The following ABCC1 variants were observed in gnomAD, a reference collection of about 807,000 sequenced individuals.
The protein encoded by ABCC1 is multidrug resistance-associated protein 1.
ABCC1 carries 83 observed loss-of-function variants against 172.9 expected under a neutral mutation model. The ratio of observed to expected loss-of-function variants is 0.48; its 90% CI spans 0.40 to 0.58. The LOEUF (loss-of-function observed/expected upper bound fraction) is 0.58. Among genes scored for constraint, ABCC1 ranks in the 20% least tolerant of loss-of-function variants. The probability of loss-of-function intolerance (pLI) is 0.00; values close to 1 mark genes in which losing one functional copy is unlikely to be tolerated. For missense variants in ABCC1, 1,817 were observed against 2,002.7 expected, an observed-to-expected ratio of 0.91 and a Z score of 1.77; for synonymous variants, 937 against 825.2, an observed-to-expected ratio of 1.14 and a Z score of -2.32.
At chr16:15,958,030 C>T (rs1041250929) in intron 1 of ABCC1, among the ~76,000 whole-genome samples, 1 of 152,234 alleles carries the variant, frequency 6.6e-6, no homozygotes. Flanking sequence ...TTCTGAGTTG[C>T]TCCAGTTTGC....
chr16:16,014,461 A>G (rs994941365), intron 3 of ABCC1, 30 bp from the exon 4 acceptor site: 2 of 1,605,600 alleles, frequency 1.2e-6, no homozygotes, highest in Non-Finnish European at 1.7e-6. Context: ...AAAAAACCCA[A>G]CAACTCCTGT....
intron 19 of ABCC1, among the ~76,000 whole-genome samples, chr16:16,097,491 G>A (rs2051534927): frequency 6.6e-6 from 1 of 152,214 alleles, no homozygotes; most frequent in Non-Finnish European, 1.5e-5. Flanking sequence ...CTCAGTAAAT[G>A]TGTTAAATGA....
At chr16:16,138,647 G>A in intron 30 of ABCC1, 89 bp downstream of exon 30, 1 of 1,108,186 alleles carries the variant, frequency 9.0e-7, no homozygotes, top group Non-Finnish European at 1.2e-6. Context: ...ATTCAACACT[G>A]TCCTTATCCC....
intron 26 of ABCC1, among the ~76,000 whole-genome samples, chr16:16,126,722 A>G (rs2045455160): frequency 6.6e-6 from 1 of 152,184 alleles, no homozygotes; most frequent in African/African-American, 2.4e-5. Context: ...GTTACGGAAA[A>G]TAATACTACT....
At chr16:16,133,183 T>G (rs1355097606) in intron 27 of ABCC1, among the ~76,000 whole-genome samples, 2 of 152,160 alleles carry the variant, frequency 1.3e-5, no homozygotes, top group African/African-American at 4.8e-5. Flanking sequence ...CCTTAGACTT[T>G]CCTCTGGAAT....
chr16:15,980,960 G>C (rs1331305649), intron 1 of ABCC1, among the ~76,000 whole-genome samples: 1 of 152,188 alleles, frequency 6.6e-6, no homozygotes, highest in Non-Finnish European at 1.5e-5. Flanking sequence ...CATTCCAAAT[G>C]GGAAAATTTG....
intron 19 of ABCC1, chr16:16,094,264 C>G: frequency 3.8e-6 from 1 of 265,638 alleles, no homozygotes. Flanking sequence ...ACCAGAGAAT[C>G]TGCATCTGAA....
rs767731002 is a variant in ABCC1 at position 16,090,440 on chromosome 16, G to C, written c.2496G>C (p.Leu832Phe). Residue 832 changes from leucine (L) to phenylalanine (F), a missense_variant, in exon 19 of 31, where the codon TTG becomes TTC. Coordinates refer to ENST00000399410, the MANE Select transcript of ABCC1 (RefSeq NM_004996.4). ...TGGTCACGCACAGCATGAGCTACTT[G>C]CCGCAGGTGGACGTCATCATCGTCA... is the stretch of plus-strand genomic sequence containing the variant. Reference protein sequence around the residue: ...RILVTHSMSYLPQVDVIIVMS... With the variant: ...RILVTHSMSYFPQVDVIIVMS... The C allele has an allele frequency of 6.2e-7, 1 of 1,612,036 alleles. No individual in the cohort carries two copies.
At chr16:15,964,305 C>G (rs1352362482) in intron 1 of ABCC1, among the ~76,000 whole-genome samples, 2 of 152,146 alleles carry the variant, frequency 1.3e-5, no homozygotes, top group African/African-American at 2.4e-5. Flanking sequence ...ATTTCTTCCC[C>G]TAGATGCCCT....
chr16:16,102,823 T>A, intron 20 of ABCC1, 106 bp downstream of exon 20: 1 of 1,092,508 alleles, frequency 9.2e-7, no homozygotes, highest in Non-Finnish European at 1.3e-6. Flanking sequence ...CTGGAAGGCC[T>A]GGGCTTTTAC....
At chr16:16,016,201 T>G (rs1436770789) in intron 4 of ABCC1, among the ~76,000 whole-genome samples, 2 of 133,494 alleles carry the variant, frequency 1.5e-5, no homozygotes, top group Non-Finnish European at 3.1e-5. Context: ...TCACACAGGC[T>G]GGAATGCAGT....
At chr16:15,977,105 C>A (rs1022686227) in intron 1 of ABCC1, among the ~76,000 whole-genome samples, 1 of 152,042 alleles carries the variant, frequency 6.6e-6, no homozygotes, top group Admixed American at 6.6e-5. Flanking sequence ...GCTCTGGGGT[C>A]GGGGGAGAGG....
At chr16:16,106,643 A>T in intron 20 of ABCC1, 95 bp from the exon 21 acceptor site, 1 of 1,504,438 alleles carries the variant, frequency 6.6e-7, no homozygotes, top group Non-Finnish European at 9.1e-7. Context: ...CTCTTATGCC[A>T]TGGTTCAGAC....
intron 1 of ABCC1, among the ~76,000 whole-genome samples, chr16:15,991,493 C>G (rs1338536089): frequency 6.6e-6 from 1 of 152,136 alleles, no homozygotes; most frequent in Non-Finnish European, 1.5e-5. Flanking sequence ...GATGGCACCT[C>G]TCGGCTCTTC....
chr16:16,129,466 T>C lies in ABCC1; in HGVS notation c.3820-2323T>C, dbSNP rs537243442. 2.6e-5 allele frequency among the ~76,000 whole-genome samples: 4 copies of C among 151,978 alleles called. No homozygotes were observed. The South Asian group carries it at 8.3e-4, about 32-fold the overall frequency. On this transcript the variant is annotated intron_variant, in intron 26 of 30. Transcript: ENST00000399410. ...GAGTTTGAGACGATCCTGGGCAACA[T>C]GGTGAGACATCGTCTCTACAAAATA...
intron 28 of ABCC1, among the ~76,000 whole-genome samples, chr16:16,135,648 G>C (rs1175297410): frequency 2.0e-5 from 3 of 152,018 alleles, no homozygotes; most frequent in Non-Finnish European, 4.4e-5. Context: ...TAGAAACGGG[G>C]TTTCACCATG....
chr16:16,003,873 G>T (rs946262425), intron 1 of ABCC1, among the ~76,000 whole-genome samples: 1 of 139,732 alleles, frequency 7.2e-6, no homozygotes. Context: ...TAGGTGGATG[G>T]ATGAATGAAT....
intron 1 of ABCC1, among the ~76,000 whole-genome samples, chr16:15,967,858 T>C (rs1211273051): frequency 2.0e-5 from 3 of 152,008 alleles, no homozygotes; most frequent in Non-Finnish European, 2.9e-5. Flanking sequence ...TGCTGACATA[T>C]ACATATTTTG....
chr16:16,094,255 C>A, intron 19 of ABCC1: 1 of 268,156 alleles, frequency 3.7e-6, no homozygotes, highest in South Asian at 4.2e-5. Flanking sequence ...TGCTCAAGGA[C>A]CAGAGAATCT....
Sources: gnomAD v4.1 joint callset for allele counts (sites outside exome capture counted in the v4.1 genomes callset) on GRCh38, gnomAD v4.1.1 for gene constraint, MANE v1.5 for transcripts, NCBI Gene and HGNC (gene_info 2026-07-23, HGNC 2026-07-21) for gene names.